MPHOSPH9: variants seen among roughly 807,000 people sequenced by gnomAD.
MPHOSPH9 encodes the protein M-phase phosphoprotein 9.
Under a neutral mutation model 145.5 loss-of-function variants are expected in MPHOSPH9, and 88 were observed. That is an observed-to-expected ratio of 0.60 (90% CI 0.51 to 0.72). MPHOSPH9 has a LOEUF of 0.72. Ranked by LOEUF, MPHOSPH9 falls within the 30% of genes least tolerant of loss-of-function variation. MPHOSPH9 has a pLI of 0.00. For missense variants in MPHOSPH9, 1,238 were observed against 1,386.6 expected, an observed-to-expected ratio of 0.89 and a Z score of 1.70; for synonymous variants, 435 against 486.2, an observed-to-expected ratio of 0.89 and a Z score of 1.39.
At position 123,161,397 on chromosome 12, in the gene MPHOSPH9, G is replaced by C; in HGVS notation, c.3134-14C>G. 3 of 1,612,662 alleles carry C rather than the reference G, an allele frequency of 1.9e-6. No individual in the cohort carries two copies. Among genetic ancestry groups the C allele is most frequent in the Non-Finnish European group, 8.5e-7 (1 of 1,179,282 alleles). On this transcript the variant is annotated splice_polypyrimidine_tract_variant and intron_variant, in intron 21 of 23. Transcript: ENST00000606320. ...AATAAGTTTTTTCTGTCAGAGAGGA[G>C]AGAAATTGCTTATATTTCTTATCAA...
At chr12:123,168,616 A>G (rs1446809427) in intron 16 of MPHOSPH9, among the ~76,000 whole-genome samples, 1 of 151,988 alleles carries the variant, frequency 6.6e-6, no homozygotes, top group African/African-American at 2.4e-5. Flanking sequence ...TGCTGGGATT[A>G]CAGGTGTGCG....
intron 5 of MPHOSPH9, 127 bp downstream of exon 5, chr12:123,221,245 T>C: frequency 1.3e-6 from 1 of 787,796 alleles, no homozygotes. Context: ...GCTTTGTTTA[T>C]TTCAATTTTC....
chr12:123,229,323 C>T (rs1957020682), intron 2 of MPHOSPH9, among the ~76,000 whole-genome samples: 1 of 152,070 alleles, frequency 6.6e-6, no homozygotes, highest in African/African-American at 2.4e-5. Flanking sequence ...CCAAGCTTGT[C>T]AGACTATGTG....
rs1332423603 is a variant in MPHOSPH9 at position 123,202,622 on chromosome 12, A to G, written c.1781+2T>C. The G allele has an allele frequency of 6.2e-7, 1 of 1,609,202 alleles. No homozygotes were observed. Among genetic ancestry groups the G allele is most frequent in the Admixed American group, 1.7e-5 (1 of 59,866 alleles). On this transcript the variant is annotated splice_donor_variant, in intron 10 of 23. Coordinates refer to ENST00000606320, the MANE Select transcript of MPHOSPH9 (RefSeq NM_022782.4). LOFTEE classifies it high-confidence loss of function. ...TTACAAGCCATTCACTGAAATACAT[A>G]CTTAGACAATATCACAGGATCTTCC...
At chr12:123,188,733 A>T (rs1416612274) in intron 13 of MPHOSPH9, among the ~76,000 whole-genome samples, 2 of 152,184 alleles carry the variant, frequency 1.3e-5, no homozygotes, top group Non-Finnish European at 2.9e-5. Context: ...CTGTACTCCC[A>T]GCTACATGGT....
intron 1 of MPHOSPH9, chr12:123,240,727 C>CTTTTTT (rs62837760): frequency 2.9e-5 from 3 of 102,104 alleles, no homozygotes; most frequent in African/African-American, 1.1e-4. Flanking sequence ...TTTTATTGAC[C>CTTTTTT]TTTTTTTTTT....
At chr12:123,223,191 T>G in intron 3 of MPHOSPH9, 64 bp from the exon 4 acceptor site, 6 of 1,062,154 alleles carry the variant, frequency 5.6e-6, no homozygotes, top group Non-Finnish European at 5.0e-6. Flanking sequence ...ACAGAACAAT[T>G]CCTCCAGTGT....
At chr12:123,166,136 C>T (rs974395045) in intron 17 of MPHOSPH9, among the ~76,000 whole-genome samples, 2 of 152,172 alleles carry the variant, frequency 1.3e-5, no homozygotes, top group Non-Finnish European at 2.9e-5. Flanking sequence ...GACAAGGTCT[C>T]ACTCTGTCAC....
chr12:123,191,117 T>C (rs1403860724), intron 13 of MPHOSPH9, among the ~76,000 whole-genome samples: 1 of 151,698 alleles, frequency 6.6e-6, no homozygotes, highest in Non-Finnish European at 1.5e-5. Flanking sequence ...AGGTCGGGAG[T>C]TCGAGACCAG....
At chr12:123,187,496 G>T (rs1424618770) in intron 13 of MPHOSPH9, among the ~76,000 whole-genome samples, 2 of 152,090 alleles carry the variant, frequency 1.3e-5, no homozygotes, top group Non-Finnish European at 2.9e-5. Flanking sequence ...AAGCAGAGTG[G>T]CATGCTGACA....
At position 123,230,250 on chromosome 12, in the gene MPHOSPH9, C is replaced by A. The variant is rs1168512696; in HGVS notation, c.104+11G>T. The A allele has an allele frequency of 1.4e-6, 2 of 1,383,806 alleles. No homozygotes were observed. The highest frequency in any genetic ancestry group is 2.6e-5 in the South Asian group (2 of 77,326). The allele number at this position is 1,383,806 out of a possible 1,614,324, so 85.7% of individuals were successfully genotyped here. On this transcript the variant is annotated intron_variant, in intron 2 of 23. Transcript: ENST00000606320. ...CTGATTTGGTACATTTTTTTTAAAT[C>A]CCATTCTTACCTATCAGTATTTAAG...
At chr12:123,191,989 C>T (rs768993980) in intron 13 of MPHOSPH9, among the ~76,000 whole-genome samples, 5 of 151,970 alleles carry the variant, frequency 3.3e-5, no homozygotes, top group Non-Finnish European at 7.4e-5. Flanking sequence ...GGCAACAGGG[C>T]AAGGACCTGT....
rs1238216709 is a variant in MPHOSPH9, at chr12:123,159,780, T to A, written c.3450+1001A>T. ...TTCTACTAAAACATTCTTGGTTAAA[T>A]ACGTTACTGCTGATGGAATATTGTA... On this transcript the variant is annotated intron_variant, in intron 23 of 23. Coordinates refer to ENST00000606320, the MANE Select transcript of MPHOSPH9 (RefSeq NM_022782.4). The surrounding 1 kb of genome is among the most constrained non-coding windows in gnomAD (Gnocchi z 4.3). 2.6e-5 allele frequency: 4 copies of A among 152,228 alleles called. No individual in the cohort carries two copies. Among genetic ancestry groups the A allele is most frequent in the African/African-American group, 9.6e-5 (4 of 41,460 alleles). The allele number at this position is 152,228 out of a possible 1,614,324, so 9.4% of individuals were successfully genotyped here.
Position 123,222,674 on chromosome 12 carries a change from A to G in MPHOSPH9, c.348+364T>C, listed in dbSNP as rs549854687. On this transcript the variant is annotated intron_variant, in intron 4 of 23. Transcript: ENST00000606320. ...ATCTCAAAAAAAAATAAATGAAAAT[A>G]AAAGTAAAAAAGGGCTGGGCAGGAG... is the stretch of plus-strand genomic sequence containing the variant. Among the ~76,000 whole-genome samples, 3 of 152,088 alleles carry G rather than the reference A, an allele frequency of 2.0e-5. No homozygotes were observed. The South Asian group carries it at 6.2e-4, about 32-fold the overall frequency.
chr12:123,202,788 T>C lies in MPHOSPH9; in HGVS notation c.1617A>G (p.Val539=). Residue 539 remains valine, a synonymous_variant, in exon 10 of 24, where the codon GTA becomes GTG. Transcript: ENST00000606320. The stretch of plus-strand genomic sequence containing the variant: ...AGATATCATTACTAGTAATGGTATA[T>C]ACTGACGGAAACGTGGAACTGGTCC... ...ESRTSSTFPS[V]YTITSNDISV... 3 of 1,614,232 alleles carry C rather than the reference T, an allele frequency of 1.9e-6. No homozygotes were observed. Among genetic ancestry groups the C allele is most frequent in the Non-Finnish European group, 2.5e-6 (3 of 1,180,044 alleles).
intron 12 of MPHOSPH9, among the ~76,000 whole-genome samples, chr12:123,196,753 T>C (rs2045964457): frequency 6.6e-6 from 1 of 152,182 alleles, no homozygotes; most frequent in East Asian, 1.9e-4. Context: ...CCAGAAAGTA[T>C]ATAAACATTA....
chr12:123,186,652 T>C (rs2045457776), intron 13 of MPHOSPH9, among the ~76,000 whole-genome samples: 1 of 152,158 alleles, frequency 6.6e-6, no homozygotes, highest in Non-Finnish European at 1.5e-5. Flanking sequence ...ATAGATAATA[T>C]GTAAAATTTA....
In MPHOSPH9 at chr12:123,179,986, G is replaced by T. The variant is rs1245887073; in HGVS notation, c.2294C>A (p.Ala765Glu). The T allele has an allele frequency of 2.1e-6, 3 of 1,412,662 alleles. No individual in the cohort carries two copies. Among genetic ancestry groups the T allele is most frequent in the African/African-American group, 1.4e-5 (1 of 69,296 alleles). The allele number at this position is 1,412,662 out of a possible 1,614,324, so 87.5% of individuals were successfully genotyped here. ...LGKEHRRVKDALNTTENKLLD... is the reference protein window; with the variant it reads ...LGKEHRRVKDELNTTENKLLD... ...CAATTTGTTCTCAGTTGTATTTAATGCATCCTATGGAAATAAAGGAGAAAT... is the reference window on the plus strand; with the variant it reads ...CAATTTGTTCTCAGTTGTATTTAATTCATCCTATGGAAATAAAGGAGAAAT... The change falls in exon 15 of 24, where the codon GCA becomes GAA. Residue 765 changes from alanine to glutamate, a missense_variant. This residue lies in a region of MPHOSPH9 where 837 missense variants were observed against 897.5 expected (regional missense o/e 0.93). Transcript: ENST00000606320.
rs941290307 is a variant in MPHOSPH9, at chr12:123,202,384, A to G, written c.1782-65T>C. Reference sequence around the variant, plus strand: ...ATCTTCAGTCTCCATCCCACAAGAGAAACCAAGAACACAATGATTCTCATG... The same window carrying G: ...ATCTTCAGTCTCCATCCCACAAGAGGAACCAAGAACACAATGATTCTCATG... On this transcript the variant is annotated intron_variant, in intron 10 of 23. Coordinates refer to ENST00000606320, the MANE Select transcript of MPHOSPH9 (RefSeq NM_022782.4). 1.2e-5 allele frequency: 18 copies of G among 1,475,518 alleles called. No individual in the cohort carries two copies. The African/African-American group carries it at 2.4e-4, about 20-fold the overall frequency. 91.4% of individuals were successfully genotyped at this position (1,475,518 alleles called of 1,614,324 possible).
Sources: allele counts gnomAD v4.1 joint callset (sites outside exome capture counted in the v4.1 genomes callset), GRCh38; gene constraint gnomAD v4.1.1; regional missense constraint gnomAD v4.1.1; non-coding constraint Gnocchi (gnomAD v3.1); transcripts MANE v1.5; gene names NCBI Gene and HGNC (gene_info 2026-07-23, HGNC 2026-07-21).